The following PDE4D variants were observed in gnomAD, a reference collection of about 807,000 sequenced individuals.
PDE4D encodes phosphodiesterase 4D.
Under a neutral mutation model 87.4 loss-of-function variants are expected in PDE4D, and 24 were observed. That is an observed-to-expected ratio of 0.27 (90% CI 0.20 to 0.39). PDE4D has a LOEUF of 0.39. Ranked by LOEUF, PDE4D falls within the 10% of genes least tolerant of loss-of-function variation. The pLI is 1.00. For missense variants in PDE4D, 714 were observed against 1,041.0 expected, an observed-to-expected ratio of 0.69 and a Z score of 4.32; for synonymous variants, 384 against 383.2, an observed-to-expected ratio of 1.00 and a Z score of -0.02.
chr5:59,201,738 T>A (rs9292196), intron 2 of PDE4D, among the ~76,000 whole-genome samples: 2 of 152,124 alleles, frequency 1.3e-5, no homozygotes, highest in African/African-American at 4.8e-5. Context: ...TAAAGCCAAC[T>A]TCAGTTACAA....
intron 3 of PDE4D, among the ~76,000 whole-genome samples, chr5:59,951,544 A>G (rs540242889): frequency 1.3e-5 from 2 of 152,320 alleles, no homozygotes; most frequent in South Asian, 2.1e-4. Context: ...AAGATTCATG[A>G]TGTCTAATTT....
intron 1 of PDE4D, among the ~76,000 whole-genome samples, chr5:59,515,818 A>G (rs575346467): frequency 6.6e-6 from 1 of 152,214 alleles, no homozygotes; most frequent in African/African-American, 2.4e-5. Flanking sequence ...AATTATAGCT[A>G]GAAAGGTAAA....
intron 1 of PDE4D, among the ~76,000 whole-genome samples, chr5:59,663,140 C>T (rs1346040237): frequency 6.6e-6 from 1 of 152,040 alleles, no homozygotes; most frequent in Non-Finnish European, 1.5e-5. Flanking sequence ...TTACTCAACT[C>T]ACTTATTTCT....
intron 1 of PDE4D, among the ~76,000 whole-genome samples, chr5:60,456,804 A>G (rs755881856): frequency 5.3e-5 from 8 of 152,084 alleles, no homozygotes. Flanking sequence ...GTAATACCTC[A>G]TCCTGACACG....
chr5:60,401,302 C>T (rs1192828728), intron 1 of PDE4D, among the ~76,000 whole-genome samples: 1 of 152,132 alleles, frequency 6.6e-6, no homozygotes, highest in Non-Finnish European at 1.5e-5. Flanking sequence ...TATGGTTAGG[C>T]TTTTGATGAC....
At chr5:60,430,978 A>T (rs541723801) in intron 1 of PDE4D, 4 of 277,294 alleles carry the variant, frequency 1.4e-5, no homozygotes, top group Non-Finnish European at 7.1e-6. Context: ...CGATTTCTCA[A>T]TCTTTTCCCC....
chr5:60,226,986 T>C (rs78300209), intron 1 of PDE4D, among the ~76,000 whole-genome samples: 2,124 of 152,200 alleles, frequency 0.014, 22 homozygotes, highest in Middle Eastern at 0.034. Flanking sequence ...CAGTCTATAT[T>C]AAAATAATTT....
intron 2 of PDE4D, among the ~76,000 whole-genome samples, chr5:60,114,189 AT>A (rs1777931990): frequency 6.6e-6 from 1 of 152,134 alleles, no homozygotes; most frequent in African/African-American, 2.4e-5. Flanking sequence ...GGATGTTCAC[AT>A]TAGGTATTAA....
chr5:59,096,069 G>C (rs377584237), intron 5 of PDE4D, among the ~76,000 whole-genome samples: 14 of 152,314 alleles, frequency 9.2e-5, no homozygotes, highest in African/African-American at 3.1e-4. Context: ...TTCTTCAAAG[G>C]AGATGGGGGA....
At chr5:59,063,369 C>T (rs974187599) in intron 5 of PDE4D, 4 of 152,194 alleles carry the variant, frequency 2.6e-5, no homozygotes, top group African/African-American at 9.6e-5. Flanking sequence ...CTTGTTGAGA[C>T]AGATTTCACT....
At chr5:60,201,449 C>CT (rs1168539286) in intron 1 of PDE4D, among the ~76,000 whole-genome samples, 1 of 151,794 alleles carries the variant, frequency 6.6e-6, no homozygotes, top group Non-Finnish European at 1.5e-5. Context: ...TAAAAGGAGA[C>CT]TTTTTTTAAA....
rs1001368377 is a variant in PDE4D at position 59,257,810 on chromosome 5, A to C, written c.456-41842T>G. Among the ~76,000 whole-genome samples the C allele has an allele frequency of 7.9e-5, 12 of 152,060 alleles. No individual in the cohort carries two copies. The East Asian group carries it at 1.9e-3, about 25-fold the overall frequency. On this transcript the variant is annotated intron_variant, in intron 1 of 14. Transcript: ENST00000340635. Reference sequence around the variant, plus strand: ...GAGAAGGGATTTACAGCAGCAGAACATTTTCAAGGGCACTTTTATGTCAGA... The same window carrying C: ...GAGAAGGGATTTACAGCAGCAGAACCTTTTCAAGGGCACTTTTATGTCAGA...
chr5:59,439,912 G>C (rs1335365494), intron 1 of PDE4D, among the ~76,000 whole-genome samples: 1 of 152,144 alleles, frequency 6.6e-6, no homozygotes, highest in Admixed American at 6.5e-5. Flanking sequence ...AAATAAATTA[G>C]GAAGTGAGTG....
intron 1 of PDE4D, among the ~76,000 whole-genome samples, chr5:59,616,731 C>T (rs1829714714): frequency 6.6e-6 from 1 of 151,330 alleles, no homozygotes; most frequent in Non-Finnish European, 1.5e-5. Flanking sequence ...AATATAATTG[C>T]TTCTGTGTTT....
At chr5:59,843,446 C>A (rs572055882) in intron 1 of PDE4D, among the ~76,000 whole-genome samples, 4 of 151,954 alleles carry the variant, frequency 2.6e-5, no homozygotes, top group South Asian at 2.1e-4. Context: ...TACTCCCCCC[C>A]AGAAAAATCC....
intron 1 of PDE4D, among the ~76,000 whole-genome samples, chr5:59,807,618 G>T (rs540979559): frequency 3.9e-5 from 6 of 152,222 alleles, no homozygotes; most frequent in African/African-American, 1.4e-4. Context: ...ATTGGAATCC[G>T]GCCTTCCAGA....
intron 2 of PDE4D, among the ~76,000 whole-genome samples, chr5:60,144,036 C>T (rs1271990452): frequency 6.6e-6 from 1 of 152,150 alleles, no homozygotes; most frequent in Non-Finnish European, 1.5e-5. Context: ...CTTTGCTCCT[C>T]CCTAGTCACT....
chr5:59,676,100 C>T (rs1296142709), intron 1 of PDE4D, among the ~76,000 whole-genome samples: 3 of 141,808 alleles, frequency 2.1e-5, no homozygotes, highest in African/African-American at 6.0e-5. Flanking sequence ...TATGTATATA[C>T]ACACACACAC....
chr5:59,110,020 A>C (rs1772335060), intron 5 of PDE4D, among the ~76,000 whole-genome samples: 1 of 152,138 alleles, frequency 6.6e-6, no homozygotes, highest in African/African-American at 2.4e-5. Context: ...TACTGCTCAC[A>C]TGCATGTCCT....
Sources: allele counts gnomAD v4.1 joint callset (sites outside exome capture counted in the v4.1 genomes callset), GRCh38; gene constraint gnomAD v4.1.1; transcripts MANE v1.5; gene names NCBI Gene and HGNC (gene_info 2026-07-23, HGNC 2026-07-21).